The following CREB1 variants were observed in gnomAD, a reference collection of about 807,000 sequenced individuals.
CREB1 encodes the protein cyclic AMP-responsive element-binding protein 1.
Under a neutral mutation model 42.0 loss-of-function variants are expected in CREB1, and 2 were observed. The ratio of observed to expected loss-of-function variants is 0.05; its 90% confidence interval spans 0.02 to 0.15. The LOEUF is 0.15. CREB1 is among the 10% of genes least tolerant of loss of function. The pLI, the probability that CREB1 is intolerant of heterozygous loss-of-function variation, is 1.00. For synonymous variants in CREB1, 123 were observed against 139.9 expected, an observed-to-expected ratio of 0.88 and a Z score of 0.85; for missense variants, 199 against 388.9, an observed-to-expected ratio of 0.51 and a Z score of 4.11.
intron 7 of CREB1, among the ~76,000 whole-genome samples, chr2:207,587,887 A>C (rs2084181792): frequency 6.6e-6 from 1 of 152,212 alleles, no homozygotes; most frequent in African/African-American, 2.4e-5. Flanking sequence ...CTGTAGCACC[A>C]TAGGGTGAAT....
rs1177182320 is a variant in CREB1, at chr2:207,597,202, CATTT to C, written c.*145_*148del. 2.3e-6 allele frequency: 2 copies of C among 873,394 alleles called. No individual in the cohort carries two copies. The highest frequency in any genetic ancestry group is 1.8e-5 in the African/African-American group (1 of 56,058). The allele number at this position is 873,394 out of a possible 1,614,324, so 54.1% of individuals were successfully genotyped here. A position where few individuals can be genotyped will look rare whatever the true frequency, so the allele number is the denominator to read the frequency against. ...CTGAAAGCAACTACAGAATTTCATT[CATTT>C]GTGCTTTTGCATTAAACTGTGAATG... On this transcript the variant is annotated 3_prime_UTR_variant, in exon 8 of 8. Transcript: ENST00000353267.
At chr2:207,550,769 G>T (rs1450045045) in intron 1 of CREB1, among the ~76,000 whole-genome samples, 1 of 152,176 alleles carries the variant, frequency 6.6e-6, no homozygotes, top group Non-Finnish European at 1.5e-5. Flanking sequence ...ATAGTTCTGT[G>T]CAGGTCTTGA....
At chr2:207,540,331 G>C (rs2081043851) in intron 1 of CREB1, among the ~76,000 whole-genome samples, 1 of 152,052 alleles carries the variant, frequency 6.6e-6, no homozygotes, top group Non-Finnish European at 1.5e-5. Context: ...ACGTGTGAAT[G>C]TCTTTTTAAC....
intron 3 of CREB1, among the ~76,000 whole-genome samples, chr2:207,567,092 A>G (rs751192143): frequency 1.2e-4 from 18 of 152,208 alleles, no homozygotes; most frequent in African/African-American, 4.1e-4. Flanking sequence ...TATAGTCACT[A>G]TATAGACTTA....
rs1491472748 is a variant in CREB1 at position 207,575,933 on chromosome 2, TTC to T, written c.688+480_688+481del. Among the ~76,000 whole-genome samples the T allele has an allele frequency of 3.8e-3, 75 of 19,482 alleles. 2 individuals carry two copies. Among genetic ancestry groups the T allele is most frequent in the Non-Finnish European group, 4.6e-3 (43 of 9,334 alleles). 12.8% of individuals were successfully genotyped at this position (19,482 alleles called of 152,430 possible). A position where few individuals can be genotyped will look rare whatever the true frequency, so the allele number is the denominator to read the frequency against. On this transcript the variant is annotated intron_variant, in intron 6 of 7. Transcript: ENST00000353267. ...GAAGTTCAGGATTCTGTTTCTCTGCTTCCCCCCCCCCCCCCAAAAGAAATTTA... is the reference window on the plus strand; with the variant it reads ...GAAGTTCAGGATTCTGTTTCTCTGCTCCCCCCCCCCCCCAAAAGAAATTTA...
At position 207,600,957 on chromosome 2, in the gene CREB1, T is replaced by C. The variant is rs1282963224; in HGVS notation, c.*3899T>C. On this transcript the variant is annotated 3_prime_UTR_variant, in exon 8 of 8. Coordinates refer to ENST00000353267, the MANE Select transcript of CREB1 (RefSeq NM_004379.5). ...ATTTAACAAATTTTTAATTCTATGA[T>C]CAGCCACAGTCAGCTATTACCATAA... is the stretch of plus-strand genomic sequence containing the variant. The C allele has an allele frequency of 5.3e-6, 1 of 188,334 alleles. No individual in the cohort carries two copies. Among genetic ancestry groups the C allele is most frequent in the African/African-American group, 2.5e-5 (1 of 40,526 alleles). The allele number at this position is 188,334 out of a possible 1,614,324, so 11.7% of individuals were successfully genotyped here.
Position 207,542,957 on chromosome 2 carries a change from A to C in CREB1, c.-8-12671A>C, listed in dbSNP as rs975802496. On this transcript the variant is annotated intron_variant, in intron 1 of 7. Transcript: ENST00000353267. ...GAAATAATTTTGAGTGAAACATTTT[A>C]ATTTGAAGCACAGTTGTCCCTTGGT... is the stretch of plus-strand genomic sequence containing the variant. 1.2e-4 allele frequency among the ~76,000 whole-genome samples: 18 copies of C among 152,210 alleles called. 1 individual carries two copies. The highest frequency in any genetic ancestry group is 1.0e-3 in the Admixed American group (16 of 15,284).
At chr2:207,596,536 C>G (rs897537300) in intron 7 of CREB1, among the ~76,000 whole-genome samples, 1 of 152,180 alleles carries the variant, frequency 6.6e-6, no homozygotes, top group Non-Finnish European at 1.5e-5. Context: ...CAGGTTCAAG[C>G]GATGCCCATG....
intron 7 of CREB1, among the ~76,000 whole-genome samples, chr2:207,591,814 A>G (rs779438000): frequency 1.5e-4 from 23 of 152,220 alleles, no homozygotes; most frequent in Admixed American, 4.6e-4. Context: ...GGATTCTTGT[A>G]GATGGCATAT....
chr2:207,563,016 A>G (rs550633460), intron 3 of CREB1, among the ~76,000 whole-genome samples: 1 of 152,330 alleles, frequency 6.6e-6, no homozygotes, highest in Non-Finnish European at 1.5e-5. Context: ...AAATTGTGTC[A>G]GGTTAGGAGA....
chr2:207,593,849 G>T (rs2085572600), intron 7 of CREB1, among the ~76,000 whole-genome samples: 1 of 151,534 alleles, frequency 6.6e-6, no homozygotes, highest in Non-Finnish European at 1.5e-5. Flanking sequence ...CTCCCAAGTA[G>T]CTGGGATTAC....
chr2:207,574,441 T>A (rs2082493478), intron 5 of CREB1, among the ~76,000 whole-genome samples: 1 of 152,224 alleles, frequency 6.6e-6, no homozygotes, highest in East Asian at 1.9e-4. Context: ...TTAAATTAAA[T>A]TTTTCTATGT....
chr2:207,533,812 A>G (rs935425738), intron 1 of CREB1, among the ~76,000 whole-genome samples: 2 of 152,196 alleles, frequency 1.3e-5, no homozygotes, highest in Non-Finnish European at 2.9e-5. Context: ...GTGACAGAGA[A>G]TGTAGTTGAA....
chr2:207,586,923 CTT>C (rs1206178316), intron 7 of CREB1, among the ~76,000 whole-genome samples: 4 of 152,256 alleles, frequency 2.6e-5, no homozygotes, highest in South Asian at 2.1e-4. Context: ...AACTCTTCCT[CTT>C]TGTGTTAGGA....
intron 1 of CREB1, among the ~76,000 whole-genome samples, chr2:207,550,826 G>C (rs1051443816): frequency 4.6e-5 from 7 of 152,172 alleles, no homozygotes; most frequent in African/African-American, 1.7e-4. Context: ...TAGATGGTCA[G>C]CCTTGTACTG....
chr2:207,552,448 G>A (rs1347496158), intron 1 of CREB1, among the ~76,000 whole-genome samples: 1 of 152,022 alleles, frequency 6.6e-6, no homozygotes, highest in Admixed American at 6.6e-5. Context: ...CATACCAGAT[G>A]ACAGCATAGC....
intron 1 of CREB1, among the ~76,000 whole-genome samples, chr2:207,548,771 C>G (rs568652906): frequency 2.0e-5 from 3 of 152,100 alleles, no homozygotes; most frequent in Non-Finnish European, 2.9e-5. Context: ...CCCGCTCCCC[C>G]CCAAAAAGAT....
At chr2:207,581,838 T>C (rs1159868986) in intron 7 of CREB1, 1 of 702,884 alleles carries the variant, frequency 1.4e-6, no homozygotes, top group Non-Finnish European at 2.6e-6. Flanking sequence ...ATAGTCTCCT[T>C]CAGTCTGTGA....
chr2:207,589,095 C>T (rs1006300505), intron 7 of CREB1, among the ~76,000 whole-genome samples: 4 of 151,996 alleles, frequency 2.6e-5, no homozygotes, highest in African/African-American at 9.7e-5. Context: ...TATTAGTTTT[C>T]TATTGCTGCA....
Sources: allele counts gnomAD v4.1 joint callset (sites outside exome capture counted in the v4.1 genomes callset), GRCh38; gene constraint gnomAD v4.1.1; transcripts MANE v1.5; gene names NCBI Gene and HGNC (gene_info 2026-07-23, HGNC 2026-07-21).